The following INSL6 variants were observed in gnomAD, a reference collection of about 807,000 sequenced individuals.
INSL6 encodes insulin-like peptide INSL6.
A neutral mutation model predicts 9.4 loss-of-function variants in INSL6; 16 were observed. The ratio of observed to expected loss-of-function variants is 1.70; its 90% CI spans 1.15 to 2.59. The LOEUF (loss-of-function observed/expected upper bound fraction) is 2.59, where lower values mean the gene tolerates loss of function less well. Ranked by LOEUF, INSL6 falls within the 30% of genes most tolerant of loss-of-function variation. The pLI, the probability that INSL6 is intolerant of heterozygous loss-of-function variation, is 0.00. For missense variants in INSL6, 391 were observed against 257.3 expected (o/e 1.52, Z -3.56); for synonymous variants, 154 against 96.9 (o/e 1.59, Z -3.46).
Position 5,185,379 on chromosome 9 carries a change from T to C in INSL6, c.224A>G (p.Tyr75Cys), listed in dbSNP as rs763403590. ...IAQASEKVEA[Y>C]SPYQFESPQT... ...CGGGCTTTCGAACTGGTATGGGCTG[T>C]AGGCTTCGACCTTCTCCGAGGCCTG... Residue 75 changes from tyrosine to cysteine, a missense_variant, in exon 1 of 2, where the codon TAC becomes TGC. Coordinates refer to ENST00000381641, the MANE Select transcript of INSL6 (RefSeq NM_007179.3). The C allele has an allele frequency of 2.1e-5, 34 of 1,614,030 alleles. No homozygotes were observed. In the South Asian group the frequency reaches 3.0e-4, roughly 14 times the overall value.
At chr9:5,066,761 A>G in the INSL6 span, 1 of 1,565,402 alleles carries the variant, frequency 6.4e-7, no homozygotes, top group Admixed American at 1.9e-5. Flanking sequence ...AAGGACTTTA[A>G]TAAATATTTT....
chr9:5,036,648 T>C, the INSL6 span, among the ~76,000 whole-genome samples: 3 of 152,362 alleles, frequency 2.0e-5, no homozygotes, highest in South Asian at 2.1e-4. Flanking sequence ...CTGGGAAAAC[T>C]GGCTAGCCAT....
the INSL6 span, chr9:5,110,662 C>T: frequency 8.3e-6 from 2 of 240,914 alleles, no homozygotes; most frequent in Non-Finnish European, 1.7e-5. Flanking sequence ...ACCACAAATA[C>T]TGTCATATAC....
At chr9:5,064,778 A>G in the INSL6 span, 1 of 797,280 alleles carries the variant, frequency 1.3e-6, no homozygotes, top group Middle Eastern at 3.8e-4. Context: ...GATATGAGCA[A>G]TTTAGAAGAA....
At chr9:5,089,996 A>C in the INSL6 span, 1 of 499,666 alleles carries the variant, frequency 2.0e-6, no homozygotes, top group Non-Finnish European at 3.2e-6. Flanking sequence ...TAATGACTAG[A>C]GATTGTGTTT....
the INSL6 span, among the ~76,000 whole-genome samples, chr9:5,036,949 T>C: frequency 1.3e-5 from 2 of 152,228 alleles, no homozygotes; most frequent in Non-Finnish European, 2.9e-5. Context: ...GAGAACATTT[T>C]TGTAATCTAC....
At chr9:5,027,899 A>C in the INSL6 span, among the ~76,000 whole-genome samples, 14 of 152,162 alleles carry the variant, frequency 9.2e-5, no homozygotes, top group African/African-American at 3.4e-4. Flanking sequence ...TGTTACTTCT[A>C]CCACATCTGC....
intron 1 of INSL6, among the ~76,000 whole-genome samples, chr9:5,174,057 C>T (rs1309664021): frequency 1.3e-5 from 2 of 152,222 alleles, no homozygotes; most frequent in Non-Finnish European, 2.9e-5. Context: ...AATTTCTGCA[C>T]TTACGTATTA....
chr9:5,157,830 G>T (rs1586867561), intron 2 of INSL6, among the ~76,000 whole-genome samples: 1 of 152,056 alleles, frequency 6.6e-6, no homozygotes, highest in Non-Finnish European at 1.5e-5. Context: ...AGGAACACAT[G>T]AGCTCACCAA....
At chr9:5,172,853 A>C (rs752612226) in intron 1 of INSL6, among the ~76,000 whole-genome samples, 1 of 152,042 alleles carries the variant, frequency 6.6e-6, no homozygotes, top group Admixed American at 6.5e-5. Flanking sequence ...GCTTGAACCC[A>C]GGAGGCAGAG....
At chr9:5,116,103 G>A in the INSL6 span, among the ~76,000 whole-genome samples, 1 of 151,560 alleles carries the variant, frequency 6.6e-6, no homozygotes, top group African/African-American at 2.4e-5. Context: ...GGCTTACATT[G>A]GGCTAAATGC....
At chr9:5,090,359 T>C in the INSL6 span, 99 of 969,976 alleles carry the variant, frequency 1.0e-4, 1 homozygote, top group Admixed American at 2.9e-3. Flanking sequence ...TCATATATGT[T>C]TAAGTCATTT....
downstream of INSL6, among the ~76,000 whole-genome samples, chr9:5,160,782 A>G (rs12349709): frequency 0.029 from 4,384 of 152,270 alleles, 201 homozygotes; most frequent in African/African-American, 0.094. Flanking sequence ...GCAGAAATTA[A>G]AAGGATCATT....
At chr9:5,002,528 G>T in the INSL6 span, among the ~76,000 whole-genome samples, 1 of 151,938 alleles carries the variant, frequency 6.6e-6, no homozygotes, top group Non-Finnish European at 1.5e-5. Context: ...AAATGTTTGA[G>T]AATTGGTTTA....
chr9:5,149,673 A>G (rs1015046103), intron 2 of INSL6, among the ~76,000 whole-genome samples: 2 of 151,210 alleles, frequency 1.3e-5, no homozygotes, highest in African/African-American at 4.9e-5. Flanking sequence ...AGCAATATAC[A>G]GATTAAATAC....
chr9:5,135,652 T>G (rs1430687796), intron 2 of INSL6, among the ~76,000 whole-genome samples: 1 of 152,128 alleles, frequency 6.6e-6, no homozygotes, highest in African/African-American at 2.4e-5. Context: ...TAGCACTAAG[T>G]GCCCACAAGA....
the INSL6 span, among the ~76,000 whole-genome samples, chr9:5,092,189 C>T: frequency 1.3e-5 from 2 of 152,112 alleles, no homozygotes; most frequent in Admixed American, 6.5e-5. Flanking sequence ...CAGAAAATCT[C>T]ACGACAACCT....
the INSL6 span, among the ~76,000 whole-genome samples, chr9:5,091,983 C>T: frequency 4.5e-4 from 68 of 151,962 alleles, no homozygotes; most frequent in African/African-American, 1.6e-3. Flanking sequence ...AGGAATCCGG[C>T]GAAGATACTG....
the INSL6 span, among the ~76,000 whole-genome samples, chr9:5,001,997 T>C: frequency 6.6e-6 from 1 of 152,026 alleles, no homozygotes; most frequent in Non-Finnish European, 1.5e-5. Flanking sequence ...ACTTACTGTT[T>C]ATAAAATCTG....
Sources: allele counts gnomAD v4.1 joint callset (sites outside exome capture counted in the v4.1 genomes callset), GRCh38; gene constraint gnomAD v4.1.1; transcripts MANE v1.5; gene names NCBI Gene and HGNC (gene_info 2026-07-23, HGNC 2026-07-21).